Variants in ERC2 observed in about 807,000 individuals in gnomAD.
ERC2 encodes ERC protein 2.
ERC2 carries 42 observed loss-of-function variants against 114.8 expected under a neutral mutation model. The ratio of observed to expected loss-of-function variants is 0.37; its 90% CI spans 0.29 to 0.47. The LOEUF (loss-of-function observed/expected upper bound fraction) is 0.47, where lower values mean the gene tolerates loss of function less well. Among genes scored for constraint, ERC2 ranks in the 20% least tolerant of loss-of-function variants. The pLI is 0.99. For missense variants in ERC2, 939 were observed against 1,150.7 expected, an observed-to-expected ratio of 0.82 and a Z score of 2.66; for synonymous variants, 454 against 425.5, an observed-to-expected ratio of 1.07 and a Z score of -0.82.
chr3:56,260,153 G>A (rs1257541414), intron 3 of ERC2, among the ~76,000 whole-genome samples: 1 of 152,156 alleles, frequency 6.6e-6, no homozygotes, highest in Non-Finnish European at 1.5e-5. Context: ...CTTCTCCAGA[G>A]AGAATGAGAA....
chr3:56,206,752 C>A (rs1053010414), intron 3 of ERC2, among the ~76,000 whole-genome samples: 1 of 152,236 alleles, frequency 6.6e-6, no homozygotes, highest in Non-Finnish European at 1.5e-5. Flanking sequence ...TATTCCAGGA[C>A]ATTCCCTTAG....
chr3:56,171,600 C>A (rs1346415944), intron 4 of ERC2, among the ~76,000 whole-genome samples: 1 of 152,086 alleles, frequency 6.6e-6, no homozygotes, highest in Non-Finnish European at 1.5e-5. Context: ...TGAATTTGCC[C>A]TAGAATTCAA....
At chr3:55,875,534 A>G (rs1004129225) in intron 14 of ERC2, among the ~76,000 whole-genome samples, 2 of 152,186 alleles carry the variant, frequency 1.3e-5, no homozygotes, top group South Asian at 4.1e-4. Flanking sequence ...CCGTGACTGG[A>G]ACACAAAAGA....
chr3:55,821,411 G>A (rs1385010654), intron 14 of ERC2, among the ~76,000 whole-genome samples: 1 of 152,134 alleles, frequency 6.6e-6, no homozygotes, highest in East Asian at 1.9e-4. Context: ...AGATGTGAAG[G>A]GGCTGAGTGC....
At chr3:55,748,024 C>A (rs1203288248) in intron 14 of ERC2, among the ~76,000 whole-genome samples, 1 of 152,164 alleles carries the variant, frequency 6.6e-6, no homozygotes, top group Non-Finnish European at 1.5e-5. Flanking sequence ...ACAGCAGCTG[C>A]AGAAGGAAAG....
At chr3:55,800,012 A>C (rs890095723) in intron 14 of ERC2, among the ~76,000 whole-genome samples, 2 of 152,216 alleles carry the variant, frequency 1.3e-5, no homozygotes, top group African/African-American at 4.8e-5. Flanking sequence ...TCAAGGACCG[A>C]GATGACTTCC....
At chr3:56,199,931 G>C (rs1258592094) in intron 3 of ERC2, among the ~76,000 whole-genome samples, 1 of 152,152 alleles carries the variant, frequency 6.6e-6, no homozygotes, top group East Asian at 1.9e-4. Flanking sequence ...AAGAGGATAA[G>C]TAGGGGTGAT....
intron 7 of ERC2, 80 bp downstream of exon 7, chr3:56,080,737 T>C (rs966535444): frequency 7.0e-7 from 1 of 1,427,572 alleles, no homozygotes; most frequent in Non-Finnish European, 9.6e-7. Context: ...AGATCACTTA[T>C]TTTCCATGTG....
intron 14 of ERC2, among the ~76,000 whole-genome samples, chr3:55,807,002 G>A (rs1396088292): frequency 6.6e-6 from 1 of 152,166 alleles, no homozygotes; most frequent in Non-Finnish European, 1.5e-5. Context: ...AAGAGGTAGA[G>A]GTGCTACTGA....
At chr3:55,592,188 A>G (rs2057923412) in intron 17 of ERC2, among the ~76,000 whole-genome samples, 1 of 152,234 alleles carries the variant, frequency 6.6e-6, no homozygotes, top group African/African-American at 2.4e-5. Context: ...GAGCAATAAC[A>G]AAAGCAGCTC....
intron 17 of ERC2, among the ~76,000 whole-genome samples, chr3:55,558,979 C>T (rs1269399800): frequency 1.3e-5 from 2 of 152,190 alleles, no homozygotes; most frequent in African/African-American, 4.8e-5. Context: ...ATGTTAGTCC[C>T]ACAGCAAGGT....
At chr3:55,673,123 C>T (rs979169413) in intron 17 of ERC2, among the ~76,000 whole-genome samples, 3 of 152,146 alleles carry the variant, frequency 2.0e-5, no homozygotes, top group Non-Finnish European at 4.4e-5. Flanking sequence ...TTTCTCATTC[C>T]ACATTCCGTG....
chr3:56,107,652 T>C (rs1042067363), intron 6 of ERC2, among the ~76,000 whole-genome samples: 3 of 152,214 alleles, frequency 2.0e-5, no homozygotes, highest in Non-Finnish European at 2.9e-5. Context: ...TCTGATTTTT[T>C]CATTACACCA....
intron 13 of ERC2, among the ~76,000 whole-genome samples, chr3:55,902,662 C>T (rs1193597280): frequency 6.6e-6 from 1 of 152,202 alleles, no homozygotes; most frequent in Non-Finnish European, 1.5e-5. Flanking sequence ...AACCTTGCCT[C>T]TCTTCCAGTC....
chr3:56,081,057 G>T, intron 6 of ERC2, 73 bp from the exon 7 acceptor site: 1 of 1,511,582 alleles, frequency 6.6e-7, no homozygotes, highest in South Asian at 1.2e-5. Flanking sequence ...TGTGCCCTTT[G>T]AGGAGGCAGG....
At chr3:55,992,459 C>A (rs116674267) in intron 10 of ERC2, among the ~76,000 whole-genome samples, 2,067 of 152,170 alleles carry the variant, frequency 0.014, 38 homozygotes, top group African/African-American at 0.046. Flanking sequence ...TAGAGTTTCA[C>A]AGGGGAGTTT....
intron 11 of ERC2, among the ~76,000 whole-genome samples, chr3:55,991,433 C>T (rs1475483163): frequency 2.6e-5 from 4 of 152,168 alleles, no homozygotes; most frequent in South Asian, 2.1e-4. Flanking sequence ...AAATACAATA[C>T]GGATATGATT....
intron 14 of ERC2, among the ~76,000 whole-genome samples, chr3:55,819,100 T>C (rs2060015371): frequency 6.6e-6 from 1 of 152,330 alleles, no homozygotes; most frequent in Admixed American, 6.5e-5. Flanking sequence ...TTAAAGTAAA[T>C]GCATTCAAAT....
intron 8 of ERC2, 110 bp downstream of exon 8, chr3:56,018,784 G>A: frequency 8.2e-7 from 1 of 1,216,964 alleles, no homozygotes; most frequent in Non-Finnish European, 1.2e-6. Context: ...GGGACTAAAG[G>A]TAGTGTTAGC....
Sources: allele counts gnomAD v4.1 joint callset (sites outside exome capture counted in the v4.1 genomes callset), GRCh38; gene constraint gnomAD v4.1.1; transcripts MANE v1.5; gene names NCBI Gene and HGNC (gene_info 2026-07-23, HGNC 2026-07-21).